Variants in SMYD3 observed in about 807,000 individuals in gnomAD.
The protein encoded by SMYD3 is histone-lysine N-methyltransferase SMYD3.
A neutral mutation model predicts 57.7 loss-of-function variants in SMYD3; 36 were observed. The observed-to-expected ratio is 0.62, with a 90% confidence interval of 0.48 to 0.82. SMYD3 has a LOEUF of 0.82. Among genes scored for constraint, SMYD3 ranks in the 40% least tolerant of loss-of-function variants. The pLI is 0.00. For missense variants in SMYD3, 515 were observed against 538.8 expected (o/e 0.96, Z 0.44); for synonymous variants, 211 against 195.0 (o/e 1.08, Z -0.68).
chr1:246,317,705 G>A (rs997490250), intron 5 of SMYD3, among the ~76,000 whole-genome samples: 3 of 151,866 alleles, frequency 2.0e-5, no homozygotes, highest in South Asian at 2.1e-4. Context: ...CAATATATAC[G>A]TATTTCAAAA....
intron 5 of SMYD3, among the ~76,000 whole-genome samples, chr1:246,098,223 C>T (rs1031930085): frequency 7.2e-5 from 11 of 152,138 alleles, no homozygotes; most frequent in African/African-American, 2.7e-4. Context: ...GAATTAGCTC[C>T]AAAACTACTA....
intron 10 of SMYD3, among the ~76,000 whole-genome samples, chr1:245,800,460 G>T (rs2047805422): frequency 6.6e-6 from 1 of 151,742 alleles, no homozygotes; most frequent in Non-Finnish European, 1.5e-5. Context: ...ATCTAATAGT[G>T]CTTGGCACAT....
chr1:245,834,421 G>A (rs1213334408), intron 10 of SMYD3, among the ~76,000 whole-genome samples: 4 of 152,158 alleles, frequency 2.6e-5, no homozygotes, highest in Non-Finnish European at 2.9e-5. Flanking sequence ...TCGTATCAGA[G>A]CTGCCTGCTC....
intron 1 of SMYD3, among the ~76,000 whole-genome samples, chr1:246,413,812 C>T (rs933375652): frequency 6.6e-6 from 1 of 152,146 alleles, no homozygotes; most frequent in African/African-American, 2.4e-5. Context: ...AAGGAAACCT[C>T]TTATCTTTAT....
At chr1:246,093,823 G>A (rs531955171) in intron 5 of SMYD3, among the ~76,000 whole-genome samples, 19 of 151,564 alleles carry the variant, frequency 1.3e-4, no homozygotes, top group South Asian at 2.1e-4. Flanking sequence ...TGGTAACAAA[G>A]GGTTCTGTGC....
At chr1:245,884,405 G>A (rs531738403) in intron 8 of SMYD3, among the ~76,000 whole-genome samples, 26 of 152,252 alleles carry the variant, frequency 1.7e-4, no homozygotes, top group African/African-American at 3.9e-4. Flanking sequence ...GAGAGGAACC[G>A]GAGTGGTCCT....
chr1:246,390,101 C>T (rs1234393621), intron 1 of SMYD3, among the ~76,000 whole-genome samples: 2 of 150,650 alleles, frequency 1.3e-5, no homozygotes, highest in Non-Finnish European at 2.9e-5. Flanking sequence ...ACGCTATAGT[C>T]CAAGTTGGGG....
intron 11 of SMYD3, among the ~76,000 whole-genome samples, chr1:245,750,584 T>C (rs10924329): frequency 0.29 from 44,732 of 152,032 alleles, 6,636 homozygotes; most frequent in East Asian, 0.47. Flanking sequence ...ACACACAGCA[T>C]TTGTGCAATA....
At position 245,870,643 on chromosome 1, in the gene SMYD3, G is replaced by A. The variant is rs79461184; in HGVS notation, c.814-6757C>T. On this transcript the variant is annotated intron_variant, in intron 8 of 11. Transcript: ENST00000490107. ...GATCATCTCACCACCACATAAAAGG[G>A]TATCACTCAACACGGTTACATTCAA... is the stretch of plus-strand genomic sequence containing the variant. Among the ~76,000 whole-genome samples the A allele has an allele frequency of 5.3e-4, 81 of 152,274 alleles. No individual in the cohort carries two copies. The East Asian group carries it at 0.015, about 28-fold the overall frequency.
chr1:245,896,622 C>A (rs575562412), intron 8 of SMYD3, among the ~76,000 whole-genome samples: 8 of 152,186 alleles, frequency 5.3e-5, no homozygotes, highest in African/African-American at 1.7e-4. Context: ...CCTTGCTTGA[C>A]AAAAGAGGCC....
intron 5 of SMYD3, chr1:246,035,556 C>T (rs1416998190): frequency 6.6e-6 from 1 of 152,162 alleles, no homozygotes; most frequent in African/African-American, 2.4e-5. Flanking sequence ...TTAATTGGAA[C>T]ATCTTGTCAC....
At chr1:246,366,525 G>A (rs2066104701) in intron 1 of SMYD3, among the ~76,000 whole-genome samples, 1 of 150,402 alleles carries the variant, frequency 6.6e-6, no homozygotes, top group South Asian at 2.1e-4. Flanking sequence ...CAGGAGGTCA[G>A]CAGAAACACA....
intron 10 of SMYD3, among the ~76,000 whole-genome samples, chr1:245,812,537 G>T (rs563073010): frequency 6.6e-6 from 1 of 152,210 alleles, no homozygotes; most frequent in African/African-American, 2.4e-5. Flanking sequence ...ACGTCACCAG[G>T]GCTGCCCGAG....
chr1:245,998,472 C>CA (rs2058973915), intron 5 of SMYD3, among the ~76,000 whole-genome samples: 1 of 152,218 alleles, frequency 6.6e-6, no homozygotes, highest in South Asian at 2.1e-4. Context: ...GTGACAACCA[C>CA]ATGCCCATCC....
At chr1:246,213,274 C>T (rs2063116384) in intron 5 of SMYD3, among the ~76,000 whole-genome samples, 1 of 152,054 alleles carries the variant, frequency 6.6e-6, no homozygotes, top group Non-Finnish European at 1.5e-5. Context: ...CCAGACTTTC[C>T]AATGCTTACA....
chr1:245,839,263 G>A (rs1035632067), intron 10 of SMYD3, among the ~76,000 whole-genome samples: 7 of 152,154 alleles, frequency 4.6e-5, no homozygotes, highest in East Asian at 1.9e-4. Flanking sequence ...TCCGCCTCCC[G>A]GGTTCACGCC....
intron 5 of SMYD3, among the ~76,000 whole-genome samples, chr1:246,209,105 A>C (rs2063046585): frequency 6.6e-6 from 1 of 152,186 alleles, no homozygotes; most frequent in African/African-American, 2.4e-5. Context: ...ATTACTGCCA[A>C]CATTTTAAGC....
intron 5 of SMYD3, among the ~76,000 whole-genome samples, chr1:246,051,652 CAAAAA>C (rs199982021): frequency 7.6e-6 from 1 of 131,706 alleles, no homozygotes; most frequent in Non-Finnish European, 1.7e-5. Flanking sequence ...TTCTGCAGTA[CAAAAA>C]AAAAAAAGAA....
chr1:245,782,883 C>T (rs888088240), intron 10 of SMYD3, among the ~76,000 whole-genome samples: 4 of 152,146 alleles, frequency 2.6e-5, no homozygotes, highest in Non-Finnish European at 5.9e-5. Context: ...CATAGTGAAA[C>T]GCTATGAGGG....
Sources: gnomAD v4.1 joint callset for allele counts (sites outside exome capture counted in the v4.1 genomes callset) on GRCh38, gnomAD v4.1.1 for gene constraint, MANE v1.5 for transcripts, NCBI Gene and HGNC (gene_info 2026-07-23, HGNC 2026-07-21) for gene names.